Variants in ERI1 observed in about 807,000 individuals in gnomAD.
ERI1 encodes the protein 3'-5' exoribonuclease 1.
Under a neutral mutation model 39.7 loss-of-function variants are expected in ERI1, and 39 were observed. The ratio of observed to expected loss-of-function variants is 0.98; its 90% CI spans 0.76 to 1.28. ERI1 has a LOEUF of 1.28. Ranked by LOEUF, ERI1 falls within the 50% of genes most tolerant of loss-of-function variation. The pLI is 0.00. For synonymous variants in ERI1, 204 were observed against 149.6 expected (o/e 1.36, Z -2.65); for missense variants, 581 against 416.9 (o/e 1.39, Z -3.43).
chr8:9,013,409 C>T (rs962073639), intron 3 of ERI1, among the ~76,000 whole-genome samples: 1 of 151,168 alleles, frequency 6.6e-6, no homozygotes, highest in Non-Finnish European at 1.5e-5. Context: ...ATAACTTGTT[C>T]TGCTTGATTT....
At chr8:9,065,521 C>T (rs1227078780) in intron 3 of ERI1, among the ~76,000 whole-genome samples, 4 of 151,810 alleles carry the variant, frequency 2.6e-5, no homozygotes, top group African/African-American at 7.3e-5. Flanking sequence ...TGGTGAAACG[C>T]CGTCTCTACT....
At chr8:9,091,005 A>G (rs11787414) in intron 3 of ERI1, among the ~76,000 whole-genome samples, 26,370 of 152,202 alleles carry the variant, frequency 0.17, 2,516 homozygotes, top group Middle Eastern at 0.22. Context: ...AGAATTCAGC[A>G]AGGGACACCA....
chr8:9,084,970 T>G (rs1364174752), intron 3 of ERI1, among the ~76,000 whole-genome samples: 1 of 151,864 alleles, frequency 6.6e-6, no homozygotes, highest in Non-Finnish European at 1.5e-5. Context: ...CAAAATGTAA[T>G]CCCCCCTGCA....
At chr8:9,035,692 C>G (rs548681595), downstream of ERI1, among the ~76,000 whole-genome samples, 1 of 152,278 alleles carries the variant, frequency 6.6e-6, no homozygotes, top group African/African-American at 2.4e-5. Context: ...ATTCCACAGC[C>G]CATGGATCAA....
downstream of ERI1, among the ~76,000 whole-genome samples, chr8:9,036,824 G>A (rs1797859109): frequency 6.6e-6 from 1 of 152,156 alleles, no homozygotes; most frequent in Non-Finnish European, 1.5e-5. Context: ...TCCCCTTGAA[G>A]TGTCCATTCT....
At chr8:9,051,737 G>C (rs539370143) in intron 3 of ERI1, among the ~76,000 whole-genome samples, 1 of 151,540 alleles carries the variant, frequency 6.6e-6, no homozygotes, top group Admixed American at 6.6e-5. Context: ...GTTTTTCTGA[G>C]TTTGTATGTT....
chr8:9,019,825 C>CT (rs1438296047), intron 5 of ERI1, among the ~76,000 whole-genome samples: 1 of 152,142 alleles, frequency 6.6e-6, no homozygotes, highest in Non-Finnish European at 1.5e-5. Context: ...TATTCTGACT[C>CT]TCCTTGCCTA....
Position 9,031,863 on chromosome 8 carries a change from TC to T in ERI1, c.*1831del, listed in dbSNP as rs1181517206. The T allele has an allele frequency of 6.6e-5, 10 of 152,222 alleles. No individual in the cohort carries two copies. Among genetic ancestry groups the T allele is most frequent in the African/African-American group, 2.4e-4 (10 of 41,434 alleles). The allele number at this position is 152,222 out of a possible 1,614,324, so 9.4% of individuals were successfully genotyped here. ...ACCTCCGCCTCCTGGGCTCAGGTGA[TC>T]CTCTTGCCTCAGCCTCCTGAGTAGC... On this transcript the variant is annotated 3_prime_UTR_variant, in exon 7 of 7. Transcript: ENST00000250263.
rs539445687 is a variant in ERI1 at position 9,020,389 on chromosome 8, A to C, written c.732A>C (p.Gln244His). 1 of 1,606,572 alleles carries C rather than the reference A, an allele frequency of 6.2e-7. No individual in the cohort carries two copies. The highest frequency in any genetic ancestry group is 1.1e-5 in the South Asian group (1 of 88,826). The change falls in exon 6 of 7, where the codon CAA (glutamine) becomes CAC (histidine). Residue 244 changes from glutamine (Q) to histidine (H), a missense_variant. Gln to His is a conservative substitution (Grantham distance 24). Transcript: ENST00000250263. ...GTAAGTTCTTGAACATTCAGTGTCA[A>C]CTCAGCAGGCTCAAATACCCTCCTT... ...DMSKFLNIQC[Q>H]LSRLKYPPFA...
intron 3 of ERI1, among the ~76,000 whole-genome samples, chr8:9,012,173 C>A (rs1366721761): frequency 1.3e-5 from 2 of 152,156 alleles, no homozygotes; most frequent in Non-Finnish European, 2.9e-5. Context: ...TGATAACCAC[C>A]ACTGTGGCCT....
chr8:9,026,599 A>G lies in ERI1; in HGVS notation c.808-3193A>G, dbSNP rs189918475. On this transcript the variant is annotated intron_variant, in intron 6 of 6. Transcript: ENST00000250263. ...GGCAGAATAAGAATTCATTGTATGT[A>G]TTTACGGGCTGAGTATACCTAATCC... 3.3e-5 allele frequency among the ~76,000 whole-genome samples: 5 copies of G among 152,238 alleles called. No individual in the cohort carries two copies. The East Asian group carries it at 9.6e-4, about 29-fold the overall frequency.
chr8:9,037,737 C>G (rs1797897487), downstream of ERI1, among the ~76,000 whole-genome samples: 1 of 152,080 alleles, frequency 6.6e-6, no homozygotes, highest in Non-Finnish European at 1.5e-5. Flanking sequence ...ATCCCCTTTC[C>G]TTTTACTGTG....
At chr8:9,070,535 C>T (rs1799015155) in intron 3 of ERI1, among the ~76,000 whole-genome samples, 1 of 152,258 alleles carries the variant, frequency 6.6e-6, no homozygotes, top group Middle Eastern at 3.4e-3. Context: ...ATTTGGGATA[C>T]ATTGGCAGGT....
chr8:9,067,720 C>A (rs1012976090), intron 3 of ERI1, among the ~76,000 whole-genome samples: 3 of 151,172 alleles, frequency 2.0e-5, no homozygotes, highest in Admixed American at 6.6e-5. Context: ...ATGATCCAGT[C>A]CAATTTCCTC....
intron 3 of ERI1, among the ~76,000 whole-genome samples, chr8:9,083,636 TA>T (rs11434262): frequency 3.4e-4 from 49 of 144,950 alleles, no homozygotes; most frequent in Non-Finnish European, 2.9e-4. Context: ...TGGTCCATGT[TA>T]AAAAAAAAAA....
At chr8:9,096,239 C>A (rs1220171777) in intron 3 of ERI1, among the ~76,000 whole-genome samples, 2 of 152,140 alleles carry the variant, frequency 1.3e-5, no homozygotes, top group Non-Finnish European at 2.9e-5. Flanking sequence ...CTCTCTTCTC[C>A]TTTCAAAACA....
intron 3 of ERI1, among the ~76,000 whole-genome samples, chr8:9,049,468 C>T (rs186394430): frequency 2.3e-4 from 34 of 147,494 alleles, no homozygotes; most frequent in East Asian, 6.0e-4. Flanking sequence ...GAAGGGAGTG[C>T]GGGGAGTCCT....
At chr8:9,029,388 G>C (rs1241468991) in intron 6 of ERI1, among the ~76,000 whole-genome samples, 3 of 152,250 alleles carry the variant, frequency 2.0e-5, no homozygotes, top group South Asian at 4.1e-4. Flanking sequence ...GAGTGCATTG[G>C]CATGATCTCA....
chr8:9,045,734 T>C (rs1798153738), intron 3 of ERI1, among the ~76,000 whole-genome samples: 1 of 150,614 alleles, frequency 6.6e-6, no homozygotes, highest in South Asian at 2.1e-4. Context: ...TAGAGGGCAG[T>C]GGCACAATCT....
Sources: allele counts gnomAD v4.1 joint callset (sites outside exome capture counted in the v4.1 genomes callset), GRCh38; gene constraint gnomAD v4.1.1; transcripts MANE v1.5; gene names NCBI Gene and HGNC (gene_info 2026-07-23, HGNC 2026-07-21).